LCN2: variants seen among roughly 807,000 people sequenced by gnomAD.
LCN2 encodes the protein lipocalin 2.
A neutral mutation model predicts 26.4 loss-of-function variants in LCN2; 27 were observed. The ratio of observed to expected loss-of-function variants is 1.02; its 90% CI spans 0.76 to 1.41. LCN2 has a LOEUF of 1.41. Among genes scored for constraint, LCN2 ranks in the 40% most tolerant of loss-of-function variants. LCN2 has a pLI of 0.00. For missense variants in LCN2, 224 were observed against 237.6 expected, an observed-to-expected ratio of 0.94 and a Z score of 0.38; for synonymous variants, 94 against 98.9, an observed-to-expected ratio of 0.95 and a Z score of 0.30.
chr9:128,150,250 T>C lies in LCN2; in HGVS notation c.151T>C (p.Trp51Arg), dbSNP rs1285942074. Residue 51 changes from tryptophan to arginine, a missense_variant, in exon 2 of 7, where the codon TGG becomes CGG. Transcript: ENST00000277480. ...CAGTCCCTTGCAGTTCCAGGGGAAG[T>C]GGTATGTGGTAGGCCTGGCAGGGAA... is the stretch of plus-strand genomic sequence containing the variant. ...NFQDNQFQGKWYVVGLAGNAI... is the reference protein window; with the variant it reads ...NFQDNQFQGKRYVVGLAGNAI... 1.2e-6 allele frequency: 2 copies of C among 1,613,290 alleles called. No individual in the cohort carries two copies. The highest frequency in any genetic ancestry group is 1.7e-6 in the Non-Finnish European group (2 of 1,179,764).
intron 3 of LCN2, 53 bp downstream of exon 3, chr9:128,151,770 G>T: frequency 6.3e-7 from 1 of 1,596,308 alleles, no homozygotes; most frequent in Non-Finnish European, 8.6e-7. Context: ...GAGCTGGGTA[G>T]GGGCACAGAC....
rs1829158022 is a variant in LCN2 at position 128,153,167 on chromosome 9, C to A, written c.*7+41C>A. ...CGGCTGCGAGGGGGCTTGTGGGAGG[C>A]CAGGGTGCAGTGGGCTGGGGGTCTT... is the stretch of plus-strand genomic sequence containing the variant. On this transcript the variant is annotated intron_variant, in intron 6 of 6. Coordinates refer to ENST00000277480, the MANE Select transcript of LCN2 (RefSeq NM_005564.5). This position sits in a 1 kb window ranked among gnomAD's most constrained non-coding sequence, Gnocchi z 5.4. 1.2e-6 allele frequency: 2 copies of A among 1,612,992 alleles called. No homozygotes were observed. The highest frequency in any genetic ancestry group is 2.7e-5 in the African/African-American group (2 of 75,002).
At chr9:128,151,871 G>A in intron 3 of LCN2, 35 bp from the exon 4 acceptor site, 1 of 1,613,360 alleles carries the variant, frequency 6.2e-7, no homozygotes, top group Non-Finnish European at 8.5e-7. Context: ...CTCCCATCCA[G>A]GGCAGGGCTG....
At position 128,152,240 on chromosome 9, in the gene LCN2, C is replaced by A. The variant is rs1008518330; in HGVS notation, c.533C>A (p.Ser178Tyr). The A allele has an allele frequency of 1.9e-6, 3 of 1,614,122 alleles. No homozygotes were observed. The highest frequency in any genetic ancestry group is 2.5e-6 in the Non-Finnish European group (3 of 1,180,022). ...GAGAACTTCATCCGCTTCTCCAAAT[C>A]TCTGGGCCTCCCTGAAAACCACATC... ...LKENFIRFSK[S>Y]LGLPENHIVF... is the part of the protein sequence containing the mutation. Residue 178 changes from serine (S) to tyrosine (Y), a missense_variant, in exon 5 of 7, where the codon TCT becomes TAT. Ser to Tyr is a moderately radical substitution (Grantham distance 144). Transcript: ENST00000277480.
chr9:128,150,354 T>C lies in LCN2; in HGVS notation c.255T>C (p.Asn85=), dbSNP rs748027195. 5 of 1,614,128 alleles carry C rather than the reference T, an allele frequency of 3.1e-6. No individual in the cohort carries two copies. The highest frequency in any genetic ancestry group is 1.7e-5 in the Admixed American group (1 of 60,018). Residue 85 remains asparagine (N), a synonymous_variant, in exon 2 of 7, where the codon AAT becomes AAC. Transcript: ENST00000277480. The part of the protein sequence containing the change: ...IYELKEDKSY[N]VTSVLFRKKK... ...AGCTGAAAGAAGACAAGAGCTACAA[T>C]GTCACCTCCGTCCTGTTTAGGTGAG...
rs758178215 is a variant in LCN2, at chr9:128,149,458, C to G, written c.-68C>G. On this transcript the variant is annotated 5_prime_UTR_variant, in exon 1 of 7. Coordinates refer to ENST00000277480, the MANE Select transcript of LCN2 (RefSeq NM_005564.5). ...GCCACCCAGGTGAGCCTCTCACTCG[C>G]CACCTCCTCTTCCACCCCTGCCAGG... 75 of 1,484,576 alleles carry G rather than the reference C, an allele frequency of 5.1e-5. No homozygotes were observed. Among genetic ancestry groups the G allele is most frequent in the Non-Finnish European group, 6.6e-5 (74 of 1,117,926 alleles). 92.0% of individuals were successfully genotyped at this position (1,484,576 alleles called of 1,614,324 possible). A position where few individuals can be genotyped will look rare whatever the true frequency, so the allele number is the denominator to read the frequency against.
intron 2 of LCN2, 107 bp from the exon 3 acceptor site, chr9:128,151,531 A>C: frequency 1.1e-6 from 1 of 870,762 alleles, no homozygotes. Flanking sequence ...GTTGGGCCGG[A>C]CTGAGAGCAA....
At chr9:128,151,249 C>T (rs1187360022) in intron 2 of LCN2, among the ~76,000 whole-genome samples, 1 of 151,864 alleles carries the variant, frequency 6.6e-6, no homozygotes, top group East Asian at 1.9e-4. Flanking sequence ...CGAGGTGGAT[C>T]CCCGGGAGAG....
intron 1 of LCN2, 22 bp from the exon 2 acceptor site, chr9:128,150,216 G>A (rs1470770007): frequency 6.2e-7 from 1 of 1,607,304 alleles, no homozygotes; most frequent in South Asian, 1.1e-5. Flanking sequence ...CCTGGGTTGT[G>A]CCTCTTATCA....
At chr9:128,151,803 G>C (rs1835009269) in intron 3 of LCN2, 86 bp downstream of exon 3, 2 of 1,585,782 alleles carry the variant, frequency 1.3e-6, no homozygotes, top group Non-Finnish European at 1.7e-6. Context: ...CCACACAGAT[G>C]TGTTGTATGG....
At chr9:128,151,079 A>G (rs1835001998) in intron 2 of LCN2, among the ~76,000 whole-genome samples, 1 of 152,012 alleles carries the variant, frequency 6.6e-6, no homozygotes, top group Admixed American at 6.5e-5. Flanking sequence ...AGCTGAGTGG[A>G]TTGGGATTGG....
In LCN2 at chr9:128,150,286, A is replaced by G. The variant is rs1176718359; in HGVS notation, c.187A>G (p.Arg63Gly). The G allele has an allele frequency of 6.2e-7, 1 of 1,614,174 alleles. No homozygotes were observed. Among genetic ancestry groups the G allele is most frequent in the Admixed American group, 1.7e-5 (1 of 60,034 alleles). The change falls in exon 2 of 7, where the codon AGA (arginine) becomes GGA (glycine). Residue 63 changes from arginine (R) to glycine (G), a missense_variant. Coordinates refer to ENST00000277480, the MANE Select transcript of LCN2 (RefSeq NM_005564.5). ...AGGCCTGGCAGGGAATGCAATTCTC[A>G]GAGAAGACAAAGACCCGCAAAAGAT... Reference protein sequence around the residue: ...VVGLAGNAILREDKDPQKMYA... With the variant: ...VVGLAGNAILGEDKDPQKMYA...
At chr9:128,150,120 C>G (rs1053675744) in intron 1 of LCN2, 118 bp from the exon 2 acceptor site, 11 of 1,363,396 alleles carry the variant, frequency 8.1e-6, no homozygotes, top group South Asian at 1.4e-5. Context: ...GGCCCTGCTG[C>G]CCAGCTAGAG....
intron 3 of LCN2, 68 bp from the exon 4 acceptor site, chr9:128,151,838 G>C (rs934133059): frequency 4.1e-5 from 65 of 1,604,326 alleles, no homozygotes; most frequent in Non-Finnish European, 5.4e-5. Context: ...TGATGGGCTG[G>C]GGAGGGAGGG....
intron 1 of LCN2, 82 bp downstream of exon 1, chr9:128,149,745 A>C: frequency 6.4e-7 from 1 of 1,553,354 alleles, no homozygotes; most frequent in Non-Finnish European, 8.8e-7. Context: ...GAGACTCAGG[A>C]AGAGCGTTGG....
chr9:128,151,891 C>A lies in LCN2; in HGVS notation c.356-15C>A, dbSNP rs11794980. On this transcript the variant is annotated splice_polypyrimidine_tract_variant and intron_variant, in intron 3 of 6. Coordinates refer to ENST00000277480, the MANE Select transcript of LCN2 (RefSeq NM_005564.5). ...ATCCAGGGCAGGGCTGACCCCTCACCGTCCACGCCTGCAGGTTACCCTGGA... is the reference window on the plus strand; with the variant it reads ...ATCCAGGGCAGGGCTGACCCCTCACAGTCCACGCCTGCAGGTTACCCTGGA... 5.0e-6 allele frequency: 8 copies of A among 1,613,584 alleles called. No homozygotes were observed. Among genetic ancestry groups the A allele is most frequent in the African/African-American group, 1.3e-5 (1 of 74,900 alleles).
intron 2 of LCN2, among the ~76,000 whole-genome samples, chr9:128,150,787 C>T (rs976673647): frequency 2.6e-5 from 4 of 152,226 alleles, no homozygotes; most frequent in Non-Finnish European, 5.9e-5. Context: ...AGCAAGCCAT[C>T]GCAGGGTCAC....
chr9:128,150,186 G>T, intron 1 of LCN2, 52 bp from the exon 2 acceptor site: 2 of 1,581,850 alleles, frequency 1.3e-6, no homozygotes, highest in South Asian at 2.4e-5. Flanking sequence ...AGAGCTGGAG[G>T]GGTGGCTCCT....
rs1324336545 is a variant in LCN2 at position 128,150,381 on chromosome 9, G to A, written c.275+7G>A. ...TCACCTCCGTCCTGTTTAGGTGAGG[G>A]CCGACATCTCCTGGGGGTGTGAGAG... On this transcript the variant is annotated splice_region_variant and intron_variant, in intron 2 of 6. Transcript: ENST00000277480. 3.1e-6 allele frequency: 5 copies of A among 1,614,058 alleles called. No individual in the cohort carries two copies. Among genetic ancestry groups the A allele is most frequent in the Non-Finnish European group, 4.2e-6 (5 of 1,180,036 alleles).
Sources: allele counts gnomAD v4.1 joint callset (sites outside exome capture counted in the v4.1 genomes callset), GRCh38; gene constraint gnomAD v4.1.1; non-coding constraint Gnocchi (gnomAD v3.1); transcripts MANE v1.5; gene names NCBI Gene and HGNC (gene_info 2026-07-23, HGNC 2026-07-21).